Variants in TM9SF2 observed in about 807,000 individuals in gnomAD.
TM9SF2 encodes the protein 76 kDa membrane protein.
TM9SF2 carries 13 observed loss-of-function variants against 84.9 expected under a neutral mutation model. That is an observed-to-expected ratio of 0.15 (90% confidence interval 0.10 to 0.24). The LOEUF (loss-of-function observed/expected upper bound fraction) is 0.24, where lower values mean the gene tolerates loss of function less well. Among genes scored for constraint, TM9SF2 ranks in the 10% least tolerant of loss-of-function variants. The pLI is 1.00. For missense variants in TM9SF2, 562 were observed against 818.5 expected, an observed-to-expected ratio of 0.69 and a Z score of 3.82; for synonymous variants, 273 against 285.8, an observed-to-expected ratio of 0.96 and a Z score of 0.45.
rs554567663 is a variant in TM9SF2 at position 99,540,800 on chromosome 13, G to A, written c.908+7G>A. On this transcript the variant is annotated splice_region_variant and intron_variant, in intron 8 of 16. Coordinates refer to ENST00000376387, the MANE Select transcript of TM9SF2 (RefSeq NM_004800.3). ...CCCACATTCAGTGGTTTAGGTAAGA[G>A]TACAGAGTTAGCCTGCTTTTGCTTT... The A allele has an allele frequency of 3.7e-6, 6 of 1,612,538 alleles. No individual in the cohort carries two copies. The highest frequency in any genetic ancestry group is 3.3e-5 in the Admixed American group (2 of 60,002).
In TM9SF2 at chr13:99,562,968, A is replaced by C. The variant is rs1312364775; in HGVS notation, c.*210A>C. 2 of 454,974 alleles carry C rather than the reference A, an allele frequency of 4.4e-6. No homozygotes were observed. The highest frequency in any genetic ancestry group is 3.9e-6 in the Non-Finnish European group (1 of 257,652). 28.2% of individuals were successfully genotyped at this position (454,974 alleles called of 1,614,324 possible). On this transcript the variant is annotated 3_prime_UTR_variant, in exon 17 of 17. Transcript: ENST00000376387. ...AAGCATTTGTATTGTGATTTGATTA[A>C]GTATATATTTGGTTGTTCTCAATGA...
chr13:99,544,801 A>C (rs770523385), intron 10 of TM9SF2, among the ~76,000 whole-genome samples: 9 of 152,316 alleles, frequency 5.9e-5, no homozygotes, highest in Admixed American at 2.6e-4. Flanking sequence ...TCCTTCCTCC[A>C]TAAAAAGATT....
At chr13:99,531,523 G>C (rs921224854) in intron 4 of TM9SF2, among the ~76,000 whole-genome samples, 8 of 152,010 alleles carry the variant, frequency 5.3e-5, no homozygotes, top group Non-Finnish European at 2.9e-5. Context: ...ATAGAACCCT[G>C]GGTTGCTGAG....
chr13:99,538,337 G>A lies in TM9SF2; in HGVS notation c.716+474G>A, dbSNP rs193036652. Among the ~76,000 whole-genome samples the A allele has an allele frequency of 2.6e-3, 389 of 152,032 alleles. 3 individuals are homozygous for A. The highest frequency in any genetic ancestry group is 3.5e-3 in the Non-Finnish European group (238 of 67,980). On this transcript the variant is annotated intron_variant, in intron 6 of 16. Transcript: ENST00000376387. ...TCTTCAACTTATTATTTTTTATCAC[G>A]AACGTACATATCAGTTATTTATGAG...
At chr13:99,553,179 C>T (rs1200790711) in intron 13 of TM9SF2, among the ~76,000 whole-genome samples, 1 of 152,202 alleles carries the variant, frequency 6.6e-6, no homozygotes. Context: ...CCTTCTCTAA[C>T]CGCACTTCAG....
intron 1 of TM9SF2, 141 bp downstream of exon 1, chr13:99,501,918 T>C: frequency 8.4e-7 from 1 of 1,197,558 alleles, no homozygotes; most frequent in Non-Finnish European, 1.1e-6. Flanking sequence ...GCTTTTGGGG[T>C]CTGCTGGGCT....
intron 1 of TM9SF2, among the ~76,000 whole-genome samples, chr13:99,517,099 G>A (rs185817686): frequency 1.9e-4 from 29 of 151,882 alleles, no homozygotes; most frequent in African/African-American, 6.8e-4. Flanking sequence ...AATTATTTGT[G>A]TATTTTTAAA....
At chr13:99,557,266 G>T (rs2046328637) in intron 15 of TM9SF2, among the ~76,000 whole-genome samples, 1 of 152,098 alleles carries the variant, frequency 6.6e-6, no homozygotes, top group Non-Finnish European at 1.5e-5. Flanking sequence ...GTTTTGATTT[G>T]CATTTCCACA....
At chr13:99,524,120 C>T (rs1209792846) in intron 3 of TM9SF2, among the ~76,000 whole-genome samples, 1 of 152,140 alleles carries the variant, frequency 6.6e-6, no homozygotes, top group Non-Finnish European at 1.5e-5. Context: ...GAGGATTGGC[C>T]TTTACATCTG....
chr13:99,555,155 G>A (rs2046320554), intron 14 of TM9SF2, among the ~76,000 whole-genome samples: 4 of 152,142 alleles, frequency 2.6e-5, no homozygotes, highest in Admixed American at 6.5e-5. Context: ...CTTCTTAATC[G>A]TTATACTAAT....
At chr13:99,547,160 G>A (rs1009652194) in intron 11 of TM9SF2, 56 bp downstream of exon 11, 6 of 1,603,006 alleles carry the variant, frequency 3.7e-6, no homozygotes, top group Non-Finnish European at 5.1e-6. Context: ...TGCTGCGGCT[G>A]TGGATCTGAC....
chr13:99,523,199 G>A (rs746451592), intron 3 of TM9SF2, among the ~76,000 whole-genome samples: 2 of 151,998 alleles, frequency 1.3e-5, no homozygotes, highest in South Asian at 2.1e-4. Context: ...TGAGTCTCAC[G>A]CTGTGGCCTG....
In TM9SF2 at chr13:99,536,785, A is replaced by G. The variant is rs745978585; in HGVS notation, c.591+48A>G. ...GCTGCTTTTTAAAACATGGCTTTTG[A>G]TAGAATTCAGTCTTTACCTGGACAA... On this transcript the variant is annotated intron_variant, in intron 5 of 16. Transcript: ENST00000376387. The G allele has an allele frequency of 2.9e-5, 46 of 1,603,316 alleles. 1 individual carries two copies. In the Middle Eastern group the frequency reaches 3.5e-3, roughly 122 times the overall value.
At chr13:99,525,707 C>T (rs1394787489) in intron 3 of TM9SF2, among the ~76,000 whole-genome samples, 3 of 152,024 alleles carry the variant, frequency 2.0e-5, no homozygotes, top group Admixed American at 6.6e-5. Flanking sequence ...AGGCGCCCGC[C>T]ACTACGCCCA....
intron 1 of TM9SF2, among the ~76,000 whole-genome samples, chr13:99,515,652 A>G (rs2046130716): frequency 6.6e-6 from 1 of 152,004 alleles, no homozygotes; most frequent in Non-Finnish European, 1.5e-5. Flanking sequence ...ACAAATGCAT[A>G]GCATTTCATG....
At chr13:99,526,203 G>A (rs57195952) in intron 3 of TM9SF2, among the ~76,000 whole-genome samples, 14,818 of 152,264 alleles carry the variant, frequency 0.097, 864 homozygotes, top group East Asian at 0.21. Flanking sequence ...GGAGTGTGGA[G>A]CGGCTGCTAG....
intron 10 of TM9SF2, 72 bp from the exon 11 acceptor site, chr13:99,546,913 G>C (rs960847003): frequency 6.3e-7 from 1 of 1,590,792 alleles, no homozygotes; most frequent in Admixed American, 1.7e-5. Context: ...AAAATGAGAG[G>C]GTTTCTCTAT....
chr13:99,527,165 A>T (rs1315224817), intron 3 of TM9SF2, among the ~76,000 whole-genome samples: 1 of 152,172 alleles, frequency 6.6e-6, no homozygotes. Context: ...GAAGGATGAC[A>T]TGGAAATCCT....
chr13:99,520,160 T>C, intron 3 of TM9SF2, 31 bp downstream of exon 3: 1 of 1,549,698 alleles, frequency 6.5e-7, no homozygotes, highest in South Asian at 1.2e-5. Context: ...AATAATTATT[T>C]ACTTACAGCT....
Sources: allele counts gnomAD v4.1 joint callset (sites outside exome capture counted in the v4.1 genomes callset), GRCh38; gene constraint gnomAD v4.1.1; transcripts MANE v1.5; gene names NCBI Gene and HGNC (gene_info 2026-07-23, HGNC 2026-07-21).